Variants in NIPSNAP3B observed in about 807,000 individuals in gnomAD.
NIPSNAP3B encodes the protein protein NipSnap homolog 3B.
Under a neutral mutation model 31.5 loss-of-function variants are expected in NIPSNAP3B, and 30 were observed. That is an observed-to-expected ratio of 0.95 (90% CI 0.71 to 1.29). NIPSNAP3B has a LOEUF of 1.29. Ranked by LOEUF, NIPSNAP3B falls within the 50% of genes most tolerant of loss-of-function variation. The pLI, the probability that NIPSNAP3B is intolerant of heterozygous loss-of-function variation, is 0.00. For missense variants in NIPSNAP3B, 269 were observed against 300.7 expected (o/e 0.89, Z 0.78); for synonymous variants, 106 against 107.9 (o/e 0.98, Z 0.11).
Position 104,771,018 on chromosome 9 carries a change from C to A in NIPSNAP3B, c.580+20C>A. The A allele has an allele frequency of 6.2e-7, 1 of 1,611,336 alleles. No homozygotes were observed. Among genetic ancestry groups the A allele is most frequent in the South Asian group, 1.1e-5 (1 of 90,840 alleles). On this transcript the variant is annotated intron_variant, in intron 4 of 5. Coordinates refer to ENST00000374762, the MANE Select transcript of NIPSNAP3B (RefSeq NM_018376.4). ...ACAGAGGTACAGTTGTCCATTTGTT[C>A]TATGAAGTTGCCATGTGTATTAGAT...
At chr9:104,790,408 T>C in the NIPSNAP3B span, among the ~76,000 whole-genome samples, 1 of 152,204 alleles carries the variant, frequency 6.6e-6, no homozygotes, top group South Asian at 2.1e-4. Context: ...TACATGTACA[T>C]AGGGGGATTT....
At chr9:104,788,053 A>G in the NIPSNAP3B span, 3 of 1,614,068 alleles carry the variant, frequency 1.9e-6, no homozygotes, top group Non-Finnish European at 2.5e-6. Flanking sequence ...CCACTCACCA[A>G]CCTACAGTGA....
intron 3 of NIPSNAP3B, among the ~76,000 whole-genome samples, chr9:104,770,404 G>T (rs1177214753): frequency 1.3e-5 from 2 of 152,010 alleles, no homozygotes; most frequent in African/African-American, 4.8e-5. Flanking sequence ...ATTATACAAA[G>T]GAAAAAGTTA....
chr9:104,788,011 C>T, the NIPSNAP3B span: 2 of 1,614,196 alleles, frequency 1.2e-6, no homozygotes, highest in South Asian at 1.1e-5. Context: ...ATATTTTTCT[C>T]CATACTTCAC....
At chr9:104,784,402 G>A in the NIPSNAP3B span, 1 of 1,614,112 alleles carries the variant, frequency 6.2e-7, no homozygotes, top group Non-Finnish European at 8.5e-7. Flanking sequence ...TGTGTAATGA[G>A]AGGTCTTTTA....
At chr9:104,784,285 CT>C in the NIPSNAP3B span, 1 of 1,613,886 alleles carries the variant, frequency 6.2e-7, no homozygotes, top group Middle Eastern at 1.7e-4. Flanking sequence ...TTCCTCTTTA[CT>C]TTCAGCCACC....
the NIPSNAP3B span, chr9:104,784,458 G>A: frequency 3.7e-6 from 6 of 1,614,036 alleles, no homozygotes; most frequent in Non-Finnish European, 5.1e-6. Flanking sequence ...ACAAATACCT[G>A]TTAAAAGATT....
At chr9:104,779,624 T>TG (rs1564062869), downstream of NIPSNAP3B, among the ~76,000 whole-genome samples, 1 of 149,868 alleles carries the variant, frequency 6.7e-6, no homozygotes, top group Admixed American at 6.7e-5. Flanking sequence ...TAAGTGGGTT[T>TG]TTTTTTTTTT....
chr9:104,779,050 A>T (rs550308232), downstream of NIPSNAP3B, among the ~76,000 whole-genome samples: 24 of 152,160 alleles, frequency 1.6e-4, no homozygotes, highest in African/African-American at 5.5e-4. Context: ...GCTTTTTCCC[A>T]CTGGGGCTTT....
In NIPSNAP3B at chr9:104,769,102, G is replaced by A. The variant is rs966507451; in HGVS notation, c.430+81G>A. 3.0e-5 allele frequency: 30 copies of A among 994,264 alleles called. No individual in the cohort carries two copies. The African/African-American group carries it at 4.3e-4, about 14-fold the overall frequency. 61.6% of individuals were successfully genotyped at this position (994,264 alleles called of 1,614,324 possible). A position where few individuals can be genotyped will look rare whatever the true frequency, so the allele number is the denominator to read the frequency against. On this transcript the variant is annotated intron_variant, in intron 3 of 5. Transcript: ENST00000374762. ...AAGTTATAAAGAGTAAAGTTCTATA[G>A]GAAAAAAATATATAATTCTTTGTTT...
At chr9:104,790,352 C>CA in the NIPSNAP3B span, among the ~76,000 whole-genome samples, 2 of 151,988 alleles carry the variant, frequency 1.3e-5, no homozygotes, top group African/African-American at 4.8e-5. Flanking sequence ...AAAATGGAAA[C>CA]TAATGTGTCC....
downstream of NIPSNAP3B, chr9:104,782,085 T>C (rs1564066567): frequency 6.6e-6 from 1 of 152,056 alleles, no homozygotes; most frequent in Non-Finnish European, 1.5e-5. Flanking sequence ...AAGTAAGGAG[T>C]TGCTCATAGA....
downstream of NIPSNAP3B, chr9:104,781,586 G>A (rs1257052605): frequency 6.6e-6 from 1 of 152,596 alleles, no homozygotes; most frequent in Non-Finnish European, 1.5e-5. Flanking sequence ...ACATTTAATA[G>A]TCACAAAGCA....
the NIPSNAP3B span, chr9:104,786,191 C>T: frequency 1.1e-6 from 1 of 950,892 alleles, no homozygotes; most frequent in East Asian, 2.5e-5. Context: ...TACTGTTTTG[C>T]TCAGTTTTAT....
downstream of NIPSNAP3B, among the ~76,000 whole-genome samples, chr9:104,778,000 G>T (rs1828372706): frequency 6.6e-6 from 1 of 152,076 alleles, no homozygotes; most frequent in Non-Finnish European, 1.5e-5. Context: ...CAGCAATGTT[G>T]GACATAATTG....
chr9:104,788,624 A>G, the NIPSNAP3B span: 1 of 1,594,438 alleles, frequency 6.3e-7, no homozygotes, highest in South Asian at 1.1e-5. Context: ...CTCTGGTTAG[A>G]CAATCTGGCC....
At chr9:104,784,648 T>C in the NIPSNAP3B span, among the ~76,000 whole-genome samples, 1 of 151,928 alleles carries the variant, frequency 6.6e-6, no homozygotes, top group African/African-American at 2.4e-5. Context: ...AAAAATAGAC[T>C]TTTTTTCCCC....
downstream of NIPSNAP3B, among the ~76,000 whole-genome samples, chr9:104,779,563 G>A (rs1051965319): frequency 6.6e-6 from 1 of 151,100 alleles, no homozygotes; most frequent in African/African-American, 2.4e-5. Context: ...GGCAGGTGTT[G>A]AGAATTAAAT....
At chr9:104,788,289 G>C in the NIPSNAP3B span, 1 of 1,260,878 alleles carries the variant, frequency 7.9e-7, no homozygotes, top group Non-Finnish European at 1.1e-6. Flanking sequence ...CCTGAAAGCA[G>C]ATACAAAGAA....
Sources: allele counts gnomAD v4.1 joint callset (sites outside exome capture counted in the v4.1 genomes callset), GRCh38; gene constraint gnomAD v4.1.1; transcripts MANE v1.5; gene names NCBI Gene and HGNC (gene_info 2026-07-23, HGNC 2026-07-21).